SNX13: variants seen among roughly 807,000 people sequenced by gnomAD.
SNX13 encodes the protein sorting nexin-13.
In SNX13, 45 loss-of-function variants were observed where a neutral mutation model predicts 133.6. The observed-to-expected ratio is 0.34, with a 90% CI of 0.27 to 0.43. The LOEUF is 0.43. Among genes scored for constraint, SNX13 ranks in the 20% least tolerant of loss-of-function variants. SNX13 has a pLI of 1.00. For synonymous variants in SNX13, 414 were observed against 373.9 expected (o/e 1.11, Z -1.24); for missense variants, 1,032 against 1,145.1 (o/e 0.90, Z 1.43).
At chr7:17,922,918 A>T (rs1800291128) in intron 1 of SNX13, among the ~76,000 whole-genome samples, 1 of 152,242 alleles carries the variant, frequency 6.6e-6, no homozygotes, top group African/African-American at 2.4e-5. Context: ...AAAACGGTAA[A>T]CAATATTTTA....
At chr7:17,827,813 C>G (rs543172134) in intron 16 of SNX13, among the ~76,000 whole-genome samples, 1 of 151,744 alleles carries the variant, frequency 6.6e-6, no homozygotes, top group Non-Finnish European at 1.5e-5. Flanking sequence ...CTCAAGAAAT[C>G]ATTTTGATAG....
At chr7:17,834,723 AAAAAAGAT>A in intron 14 of SNX13, 30 bp downstream of exon 14, 1 of 1,369,374 alleles carries the variant, frequency 7.3e-7, no homozygotes, top group Non-Finnish European at 1.0e-6. Context: ...ATTTTTTCTC[AAAAAAGAT>A]AAAATGATAA....
At chr7:17,923,806 G>A (rs932763036) in intron 1 of SNX13, among the ~76,000 whole-genome samples, 1 of 152,000 alleles carries the variant, frequency 6.6e-6, no homozygotes, top group African/African-American at 2.4e-5. Flanking sequence ...AAAGTTACTG[G>A]GGTCTTAGTT....
intron 5 of SNX13, among the ~76,000 whole-genome samples, chr7:17,876,056 AAATT>A (rs1489864444): frequency 6.6e-6 from 1 of 152,240 alleles, no homozygotes; most frequent in African/African-American, 2.4e-5. Context: ...ATAGAAAAAG[AAATT>A]AATTTTTTCC....
At chr7:17,822,010 T>C (rs1276788869) in intron 17 of SNX13, among the ~76,000 whole-genome samples, 2 of 152,168 alleles carry the variant, frequency 1.3e-5, no homozygotes, top group African/African-American at 2.4e-5. Flanking sequence ...AGAGTAAAAT[T>C]AGAATTTCTT....
chr7:17,803,861 CA>C (rs1194013608), intron 20 of SNX13, among the ~76,000 whole-genome samples: 2 of 135,958 alleles, frequency 1.5e-5, no homozygotes, highest in Non-Finnish European at 3.1e-5. Context: ...GCCTGGGCAA[CA>C]CAGTGAGACC....
At chr7:17,883,593 G>A (rs1002340048) in intron 5 of SNX13, among the ~76,000 whole-genome samples, 1 of 151,738 alleles carries the variant, frequency 6.6e-6, no homozygotes, top group African/African-American at 2.4e-5. Context: ...TTTAATTCTG[G>A]GATACATGTG....
intron 9 of SNX13, among the ~76,000 whole-genome samples, 195 bp from the exon 10 acceptor site, chr7:17,851,159 G>C (rs1285094667): frequency 6.6e-6 from 1 of 152,198 alleles, no homozygotes; most frequent in Non-Finnish European, 1.5e-5. Context: ...GTATTATACA[G>C]CATGTTTGAA....
chr7:17,882,977 A>C, intron 5 of SNX13: 1 of 367,836 alleles, frequency 2.7e-6, no homozygotes, highest in Non-Finnish European at 4.8e-6. Flanking sequence ...ACAAAAACAA[A>C]CAGGGTTCTT....
At position 17,798,674 on chromosome 7, in the gene SNX13, G is replaced by A. The variant is rs777447870; in HGVS notation, c.2513+16C>T. ...TCTGTACTACCTGAAAGAAGTGACT[G>A]TGTCTTAAGATATACCTGAAACGTT... On this transcript the variant is annotated intron_variant, in intron 24 of 25. Coordinates refer to ENST00000428135, the MANE Select transcript of SNX13 (RefSeq NM_015132.5). 1.9e-6 allele frequency: 3 copies of A among 1,551,650 alleles called. No individual in the cohort carries two copies. Among genetic ancestry groups the A allele is most frequent in the African/African-American group, 2.7e-5 (2 of 73,184 alleles).
chr7:17,913,468 T>C (rs1289631765), intron 1 of SNX13, among the ~76,000 whole-genome samples: 2 of 152,314 alleles, frequency 1.3e-5, no homozygotes, highest in South Asian at 2.1e-4. Flanking sequence ...AGGGTAAGCA[T>C]GTGCAGAGTT....
chr7:17,815,858 A>C (rs1393015446), intron 19 of SNX13, among the ~76,000 whole-genome samples: 2 of 152,192 alleles, frequency 1.3e-5, no homozygotes, highest in Non-Finnish European at 2.9e-5. Context: ...TTGTAAATAC[A>C]TGACACAGAC....
chr7:17,822,602 G>A (rs1328400771), intron 17 of SNX13, among the ~76,000 whole-genome samples: 1 of 152,098 alleles, frequency 6.6e-6, no homozygotes, highest in Non-Finnish European at 1.5e-5. Context: ...CAAGTTCACA[G>A]GATGCAAATT....
chr7:17,801,807 C>T, intron 21 of SNX13, 148 bp from the exon 22 acceptor site: 1 of 522,840 alleles, frequency 1.9e-6, no homozygotes, highest in South Asian at 4.0e-5. Flanking sequence ...AAATTTGGAA[C>T]CAAATATAAA....
At chr7:17,882,944 C>CT (rs1795541268) in intron 5 of SNX13, 1 of 689,458 alleles carries the variant, frequency 1.5e-6, no homozygotes, top group Admixed American at 4.0e-5. Flanking sequence ...GGGCGAGACT[C>CT]TGTCTCAAAA....
intron 20 of SNX13, among the ~76,000 whole-genome samples, chr7:17,814,154 C>T (rs1212386352): frequency 6.6e-6 from 1 of 152,116 alleles, no homozygotes. Flanking sequence ...TTTCCAGGCA[C>T]TGTAATATAC....
intron 12 of SNX13, among the ~76,000 whole-genome samples, chr7:17,845,050 C>A (rs968850906): frequency 6.6e-6 from 1 of 151,988 alleles, no homozygotes; most frequent in Non-Finnish European, 1.5e-5. Flanking sequence ...CCTGTGTTTG[C>A]CACTTCGTTT....
chr7:17,868,445 T>C lies in SNX13; in HGVS notation c.799A>G (p.Ser267Gly), dbSNP rs1407538988. The C allele has an allele frequency of 1.9e-6, 3 of 1,610,306 alleles. No homozygotes were observed. Among genetic ancestry groups the C allele is most frequent in the Non-Finnish European group, 2.5e-6 (3 of 1,178,234 alleles). Reference sequence around the variant, plus strand: ...TACTGATTAATATAATCAGGATCACTGAGTTGATTTATTAATGGAAGAAGA... The same window carrying C: ...TACTGATTAATATAATCAGGATCACCGAGTTGATTTATTAATGGAAGAAGA... ...GILLPLINQLSDPDYINQYVI... is the reference protein window; with the variant it reads ...GILLPLINQLGDPDYINQYVI... Residue 267 changes from serine to glycine, a missense_variant, in exon 9 of 26, where the codon AGT becomes GGT. By Grantham distance (56) the Ser-to-Gly change is moderately conservative. Coordinates refer to ENST00000428135, the MANE Select transcript of SNX13 (RefSeq NM_015132.5).
chr7:17,918,571 A>C (rs549361159), intron 1 of SNX13, among the ~76,000 whole-genome samples: 20 of 152,232 alleles, frequency 1.3e-4, no homozygotes, highest in Non-Finnish European at 2.9e-4. Flanking sequence ...ATCTCACATC[A>C]GTCAAAATGA....
Sources: gnomAD v4.1 joint callset for allele counts (sites outside exome capture counted in the v4.1 genomes callset) on GRCh38, gnomAD v4.1.1 for gene constraint, MANE v1.5 for transcripts, NCBI Gene and HGNC (gene_info 2026-07-23, HGNC 2026-07-21) for gene names.